ZNF813: variants seen among roughly 807,000 people sequenced by gnomAD.
The protein encoded by ZNF813 is zinc finger protein 813.
ZNF813 carries 3 observed loss-of-function variants against 7.2 expected under a neutral mutation model. The observed-to-expected ratio is 0.42, with a 90% confidence interval of 0.19 to 1.08. The LOEUF is 1.08. Ranked by LOEUF, ZNF813 falls within the 50% of genes least tolerant of loss-of-function variation. ZNF813 has a pLI of 0.30. For missense variants in ZNF813, 714 were observed against 753.3 expected (o/e 0.95, Z 0.61); for synonymous variants, 227 against 256.3 (o/e 0.89, Z 1.09).
rs773687982 is a variant in ZNF813 at position 53,491,024 on chromosome 19, T to G, written c.792T>G (p.Cys264Trp). ...RKRNLVCHRR[C>W]HTGEKPYRCN... ...GAAACCTAGTGTGCCATCGTAGATG[T>G]CACACTGGGGAGAAACCTTACAGGT... Residue 264 changes from cysteine (C) to tryptophan (W), a missense_variant, in exon 4 of 4, where the codon TGT (cysteine) becomes TGG (tryptophan). By Grantham distance (215) the Cys-to-Trp change is radical. Coordinates refer to ENST00000396403, the MANE Select transcript of ZNF813 (RefSeq NM_001004301.4). The G allele has an allele frequency of 1.2e-6, 2 of 1,614,192 alleles. No homozygotes were observed. Among genetic ancestry groups the G allele is most frequent in the Non-Finnish European group, 1.7e-6 (2 of 1,180,012 alleles).
intron 1 of ZNF813, among the ~76,000 whole-genome samples, chr19:53,468,155 G>A (rs1207888323): frequency 1.3e-5 from 2 of 151,642 alleles, no homozygotes; most frequent in Non-Finnish European, 2.9e-5. Context: ...GTCCCGGGAA[G>A]GCCGCGTCCT....
At chr19:53,490,292 A>ATT (rs200492660) in intron 3 of ZNF813, 83 bp from the exon 4 acceptor site, 1 of 1,297,864 alleles carries the variant, frequency 7.7e-7, no homozygotes, top group Non-Finnish European at 1.0e-6. Context: ...TAAAATGAGT[A>ATT]TTTTTTGTGT....
rs35287554 is a variant in ZNF813, at chr19:53,477,655, A to AAAATAAAT, written c.-73-6087_-73-6080dup. ...ACATAGTAAGACCCCCATCTCTGCC[A>AAAATAAAT]AAATAAATAAATAAAATTAACCAGA... On this transcript the variant is annotated intron_variant, in intron 1 of 3. Transcript: ENST00000396403. Among the ~76,000 whole-genome samples, 146 of 150,340 alleles carry AAAATAAAT rather than the reference A, an allele frequency of 9.7e-4. 1 individual carries two copies. Among genetic ancestry groups the AAAATAAAT allele is most frequent in the African/African-American group, 3.5e-3 (142 of 40,848 alleles).
rs548818843 is a variant in ZNF813 at position 53,476,268 on chromosome 19, T to A, written c.-73-7482T>A. Among the ~76,000 whole-genome samples the A allele has an allele frequency of 1.4e-4, 22 of 152,340 alleles. No homozygotes were observed. In the South Asian group the frequency reaches 4.6e-3, roughly 32 times the overall value. ...CGGCAAAAGAAGCTCATCTGCATAC[T>A]GCAACAAGGTGCAGTTGCTATTTGG... On this transcript the variant is annotated intron_variant, in intron 1 of 3. Transcript: ENST00000396403.
At chr19:53,486,835 G>T (rs1414764107) in intron 3 of ZNF813, 77 bp downstream of exon 3, 29 of 1,607,128 alleles carry the variant, frequency 1.8e-5, no homozygotes, top group Non-Finnish European at 2.5e-5. Flanking sequence ...TAGATACAGT[G>T]TCTTGCTCTG....
In ZNF813 at chr19:53,492,753, T is replaced by C; in HGVS notation, c.*667T>C. 3.2e-6 allele frequency: 2 copies of C among 623,638 alleles called. No individual in the cohort carries two copies. The highest frequency in any genetic ancestry group is 5.6e-6 in the Non-Finnish European group (2 of 354,814). 38.6% of individuals were successfully genotyped at this position (623,638 alleles called of 1,614,324 possible). On this transcript the variant is annotated 3_prime_UTR_variant, in exon 4 of 4. Coordinates refer to ENST00000396403, the MANE Select transcript of ZNF813 (RefSeq NM_001004301.4). ...AATTTTTCAGACATCGTCCATACCT[T>C]GCAGTTCATTGGCGAACTCATACTG...
In ZNF813 at chr19:53,472,615, T is replaced by C. The variant is rs1414704000; in HGVS notation, c.-74+4826T>C. Among the ~76,000 whole-genome samples, 20 of 146,886 alleles carry C rather than the reference T, an allele frequency of 1.4e-4. 1 individual carries two copies. Among genetic ancestry groups the C allele is most frequent in the Admixed American group, 1.0e-3 (15 of 14,626 alleles). On this transcript the variant is annotated intron_variant, in intron 1 of 3. Transcript: ENST00000396403. ...TGATTATAAGTACAAGTCTTTCTTT[T>C]TTTTTTTTTTTTTTGAGATGGAGTT...
Position 53,491,435 on chromosome 19 carries a change from T to A in ZNF813, c.1203T>A (p.His401Gln), listed in dbSNP as rs777090831. Residue 401 changes from histidine (H) to glutamine (Q), a missense_variant, in exon 4 of 4, where the codon CAT becomes CAA. His to Gln is a conservative substitution (Grantham distance 24). This residue lies in a region of ZNF813 where 563 missense variants were observed against 554.2 expected (regional missense o/e 1.02). Transcript: ENST00000396403. ...GTCAGGAGTTAACCCTTAAATGCCA[T>A]CGTAGACTTCATACCGGAGAGAAGC... ...TFSQELTLKCHRRLHTGEKPY... is the reference protein window; with the variant it reads ...TFSQELTLKCQRRLHTGEKPY... 2.5e-6 allele frequency: 4 copies of A among 1,614,034 alleles called. No homozygotes were observed. The highest frequency in any genetic ancestry group is 3.4e-6 in the Non-Finnish European group (4 of 1,180,010).
rs1391090338 is a variant in ZNF813, at chr19:53,492,262, A to G, written c.*176A>G. On this transcript the variant is annotated 3_prime_UTR_variant, in exon 4 of 4. Coordinates refer to ENST00000396403, the MANE Select transcript of ZNF813 (RefSeq NM_001004301.4). ...AATCAACAAGCACACCTTCCACGTC[A>G]TCATAGACTTCATAGTGGAGAGAAA... 1.4e-5 allele frequency: 13 copies of G among 933,076 alleles called. No individual in the cohort carries two copies. The East Asian group carries it at 2.7e-4, about 19-fold the overall frequency. The allele number at this position is 933,076 out of a possible 1,614,324, so 57.8% of individuals were successfully genotyped here. A position where few individuals can be genotyped will look rare whatever the true frequency, so the allele number is the denominator to read the frequency against.
At chr19:53,489,929 A>G (rs2086451017) in intron 3 of ZNF813, among the ~76,000 whole-genome samples, 1 of 152,138 alleles carries the variant, frequency 6.6e-6, no homozygotes, top group African/African-American at 2.4e-5. Flanking sequence ...ATTTCCATTG[A>G]TTTTGGTTAT....
chr19:53,493,638 T>C lies in ZNF813; in HGVS notation c.*1552T>C, dbSNP rs144913056. On this transcript the variant is annotated 3_prime_UTR_variant, in exon 4 of 4. Coordinates refer to ENST00000396403, the MANE Select transcript of ZNF813 (RefSeq NM_001004301.4). ...AAATTCAGCTAATTTTTGGTGCTGA[T>C]ATTGTACTGTGCAGATACACTGAAT... The C allele has an allele frequency of 4.5e-4, 68 of 152,440 alleles. No homozygotes were observed. Among genetic ancestry groups the C allele is most frequent in the African/African-American group, 1.6e-3 (65 of 41,588 alleles). 9.4% of individuals were successfully genotyped at this position (152,440 alleles called of 1,614,324 possible).
chr19:53,482,094 G>A (rs1347158661), intron 1 of ZNF813, among the ~76,000 whole-genome samples: 1 of 152,164 alleles, frequency 6.6e-6, no homozygotes, highest in East Asian at 1.9e-4. Flanking sequence ...GAAATGATTG[G>A]CAAAATAGAG....
In ZNF813 at chr19:53,490,775, T is replaced by C. The variant is rs754629950; in HGVS notation, c.543T>C (p.Ser181=). 1.2e-6 allele frequency: 2 copies of C among 1,614,210 alleles called. No homozygotes were observed. The highest frequency in any genetic ancestry group is 2.2e-5 in the East Asian group (1 of 44,880). ...ASSISTSQRI[S]CRPKTHISNN... is the part of the protein sequence containing the mutation. ...CAATTTCAACATCCCAAAGAATTTC[T>C]TGTAGGCCCAAAACCCATATTTCTA... The change falls in exon 4 of 4, where the codon TCT becomes TCC. Residue 181 remains serine (S), a synonymous_variant. Transcript: ENST00000396403.
intron 1 of ZNF813, among the ~76,000 whole-genome samples, chr19:53,468,637 GCCCA>G (rs2086340402): frequency 6.6e-6 from 1 of 152,178 alleles, no homozygotes; most frequent in Admixed American, 6.5e-5. Flanking sequence ...AAGGTACTGT[GCCCA>G]GATGTGCACG....
intron 1 of ZNF813, among the ~76,000 whole-genome samples, chr19:53,477,296 T>C (rs2086386445): frequency 6.6e-6 from 1 of 152,124 alleles, no homozygotes. Context: ...TAAAATCTTA[T>C]GTTTATAGAG....
chr19:53,483,382 G>A (rs1431877400), intron 1 of ZNF813, among the ~76,000 whole-genome samples: 2 of 152,040 alleles, frequency 1.3e-5, no homozygotes, highest in Non-Finnish European at 2.9e-5. Flanking sequence ...TAGAGATGGG[G>A]TTTCACCATG....
At chr19:53,483,711 T>C (rs1050738227) in intron 1 of ZNF813, 39 bp from the exon 2 acceptor site, 66 of 1,579,304 alleles carry the variant, frequency 4.2e-5, no homozygotes, top group Non-Finnish European at 5.6e-5. Flanking sequence ...AGGGGATGTG[T>C]TGATTCTGAG....
At chr19:53,482,069 A>G (rs2086410973) in intron 1 of ZNF813, among the ~76,000 whole-genome samples, 1 of 152,214 alleles carries the variant, frequency 6.6e-6, no homozygotes, top group Non-Finnish European at 1.5e-5. Flanking sequence ...CTCAACCTGA[A>G]TGACCCTGGT....
chr19:53,492,304 C>A lies in ZNF813; in HGVS notation c.*218C>A, dbSNP rs11669978. 0.21 allele frequency: 158,409 copies of A among 755,100 alleles called. 17,639 individuals are homozygous for A. The highest frequency in any genetic ancestry group is 0.28 in the Middle Eastern group (1,087 of 3,928). The allele number at this position is 755,100 out of a possible 1,614,324, so 46.8% of individuals were successfully genotyped here. A position where few individuals can be genotyped will look rare whatever the true frequency, so the allele number is the denominator to read the frequency against. ...GGAGAGAAACCTTAGAAATGTGAAGCATGTGACAAAGTTTACAGTGGCAAA... is the reference window on the plus strand; with the variant it reads ...GGAGAGAAACCTTAGAAATGTGAAGAATGTGACAAAGTTTACAGTGGCAAA... On this transcript the variant is annotated 3_prime_UTR_variant, in exon 4 of 4. Coordinates refer to ENST00000396403, the MANE Select transcript of ZNF813 (RefSeq NM_001004301.4).
Sources: gnomAD v4.1 joint callset for allele counts (sites outside exome capture counted in the v4.1 genomes callset) on GRCh38, gnomAD v4.1.1 for gene constraint, gnomAD v4.1.1 regional missense constraint, MANE v1.5 for transcripts, NCBI Gene and HGNC (gene_info 2026-07-23, HGNC 2026-07-21) for gene names.